Variants in SDHC observed in about 807,000 individuals in gnomAD.
SDHC encodes the protein succinate dehydrogenase cytochrome b560 subunit, mitochondrial.
SDHC carries 11 observed loss-of-function variants against 22.6 expected under a neutral mutation model. The observed-to-expected ratio is 0.49, with a 90% confidence interval of 0.31 to 0.81. The LOEUF (loss-of-function observed/expected upper bound fraction) is 0.81, where lower values mean the gene tolerates loss of function less well. Among genes scored for constraint, SDHC ranks in the 30% least tolerant of loss-of-function variants. The probability of loss-of-function intolerance (pLI) is 0.05; values close to 1 mark genes in which losing one functional copy is unlikely to be tolerated. For synonymous variants in SDHC, 80 were observed against 77.8 expected, an observed-to-expected ratio of 1.03 and a Z score of -0.15; for missense variants, 160 against 212.0, an observed-to-expected ratio of 0.75 and a Z score of 1.52.
At chr1:161,322,881 G>A (rs58758353) in intron 1 of SDHC, among the ~76,000 whole-genome samples, 17,840 of 151,962 alleles carry the variant, frequency 0.12, 1,415 homozygotes, top group African/African-American at 0.22. Flanking sequence ...AAATTCATCC[G>A]TTTGTAGTAG....
At chr1:161,315,831 G>A (rs935833794) in intron 1 of SDHC, among the ~76,000 whole-genome samples, 11 of 152,040 alleles carry the variant, frequency 7.2e-5, no homozygotes, top group Non-Finnish European at 1.2e-4. Context: ...GGGAACCGGC[G>A]TTCAGCATAC....
chr1:161,326,221 A>G (rs1307057855), intron 2 of SDHC, among the ~76,000 whole-genome samples: 1 of 151,926 alleles, frequency 6.6e-6, no homozygotes, highest in Non-Finnish European at 1.5e-5. Flanking sequence ...AAAAAAAAGC[A>G]GAGTTATCGT....
chr1:161,340,548 T>G, intron 3 of SDHC, 46 bp from the exon 4 acceptor site: 1 of 1,505,534 alleles, frequency 6.6e-7, no homozygotes, highest in Non-Finnish European at 9.2e-7. Context: ...TCTACTATGG[T>G]GTCATCTTTT....
intron 1 of SDHC, among the ~76,000 whole-genome samples, chr1:161,317,222 G>A (rs1227261908): frequency 1.3e-5 from 2 of 151,842 alleles, no homozygotes; most frequent in Non-Finnish European, 2.9e-5. Context: ...TAGAGACGGG[G>A]TTTCACCATC....
intron 2 of SDHC, among the ~76,000 whole-genome samples, chr1:161,323,991 C>T (rs545985789): frequency 4.6e-4 from 70 of 152,098 alleles, no homozygotes; most frequent in Admixed American, 1.6e-3. Context: ...CCACCGCGCC[C>T]GGCCCTGGAG....
intron 3 of SDHC, among the ~76,000 whole-genome samples, chr1:161,329,202 G>A (rs914537076): frequency 6.6e-6 from 1 of 151,352 alleles, no homozygotes; most frequent in Non-Finnish European, 1.5e-5. Flanking sequence ...CACCATGCCC[G>A]GCCACAACTT....
rs144105870 is a variant in SDHC, at chr1:161,327,204, T to C, written c.78-1192T>C. Among the ~76,000 whole-genome samples the C allele has an allele frequency of 1.1e-3, 164 of 152,286 alleles. 2 individuals are homozygous for C. The highest frequency in any genetic ancestry group is 3.7e-3 in the Admixed American group (57 of 15,298). ...TTAGCCTCCCAAAGTGCCGGGATTA[T>C]AGGCGTGAGCCACCATGTCTGGCCT... On this transcript the variant is annotated intron_variant, in intron 2 of 5. Coordinates refer to ENST00000367975, the MANE Select transcript of SDHC (RefSeq NM_003001.5).
chr1:161,318,164 T>C (rs1262824808), intron 1 of SDHC, among the ~76,000 whole-genome samples: 1 of 147,692 alleles, frequency 6.8e-6, no homozygotes, highest in Non-Finnish European at 1.5e-5. Context: ...AGAGCAAGAC[T>C]CCATCTCAAA....
At chr1:161,349,999 C>T (rs1672048826) in intron 4 of SDHC, among the ~76,000 whole-genome samples, 1 of 152,130 alleles carries the variant, frequency 6.6e-6, no homozygotes, top group Non-Finnish European at 1.5e-5. Flanking sequence ...CAACCTCCAC[C>T]TCCTGGGTTC....
intron 5 of SDHC, among the ~76,000 whole-genome samples, chr1:161,360,477 ACCTGGGAGGT>A (rs1672465088): frequency 6.7e-6 from 1 of 149,172 alleles, no homozygotes; most frequent in African/African-American, 2.5e-5. Flanking sequence ...GATTGCTTGA[ACCTGGGAGGT>A]CAAGGCCTCA....
intron 4 of SDHC, 100 bp downstream of exon 4, chr1:161,340,755 T>G: frequency 2.3e-6 from 2 of 868,978 alleles, no homozygotes; most frequent in Non-Finnish European, 4.0e-6. Context: ...CAGCACTTGA[T>G]TTAGAGGGAA....
chr1:161,345,444 A>G (rs1671857916), intron 4 of SDHC, among the ~76,000 whole-genome samples: 1 of 151,868 alleles, frequency 6.6e-6, no homozygotes, highest in Non-Finnish European at 1.5e-5. Context: ...TTATTACACA[A>G]GTTGTAATTA....
chr1:161,355,465 T>C (rs1374968526), intron 4 of SDHC, among the ~76,000 whole-genome samples: 1 of 152,266 alleles, frequency 6.6e-6, no homozygotes, highest in African/African-American at 2.4e-5. Context: ...TGAAATCCAA[T>C]TCATCTGTTT....
intron 3 of SDHC, among the ~76,000 whole-genome samples, chr1:161,331,594 CT>C (rs376565137): frequency 2.5e-3 from 338 of 132,604 alleles, no homozygotes; most frequent in Admixed American, 3.1e-3. Flanking sequence ...CAGTAAATAT[CT>C]TTTTTTTTTT....
intron 2 of SDHC, chr1:161,326,709 TC>T (rs1222942451): frequency 6.6e-6 from 1 of 151,258 alleles, no homozygotes; most frequent in Non-Finnish European, 1.5e-5. Context: ...CACTGCAACC[TC>T]CACGTCCTGA....
Position 161,327,871 on chromosome 1 carries a change from ATTTTAT to A in SDHC, c.78-503_78-498del, listed in dbSNP as rs903294056. 1.4e-3 allele frequency among the ~76,000 whole-genome samples: 213 copies of A among 151,580 alleles called. 1 individual carries two copies. Among genetic ancestry groups the A allele is most frequent in the African/African-American group, 4.9e-3 (201 of 41,354 alleles). ...GCCACTGTGCGTGGCCTATTATTTT[ATTTTAT>A]TTTTATTTTTATTTTTATTTTCTGT... On this transcript the variant is annotated intron_variant, in intron 2 of 5. Coordinates refer to ENST00000367975, the MANE Select transcript of SDHC (RefSeq NM_003001.5).
In SDHC at chr1:161,323,779, G is replaced by A. The variant is rs541649618; in HGVS notation, c.77+109G>A. The A allele has an allele frequency of 1.0e-4, 75 of 750,390 alleles. No homozygotes were observed. The African/African-American group carries it at 1.1e-3, about 11-fold the overall frequency. The allele number at this position is 750,390 out of a possible 1,614,324, so 46.5% of individuals were successfully genotyped here. ...GGCGCGATCTCGGCTCACTGCAAGC[G>A]CCGCCTCTTGGGTTCACGCCATTCT... On this transcript the variant is annotated intron_variant, in intron 2 of 5. Coordinates refer to ENST00000367975, the MANE Select transcript of SDHC (RefSeq NM_003001.5).
At chr1:161,325,214 T>A (rs1371677889) in intron 2 of SDHC, among the ~76,000 whole-genome samples, 1 of 150,552 alleles carries the variant, frequency 6.6e-6, no homozygotes, top group Non-Finnish European at 1.5e-5. Flanking sequence ...ATCTCTATTT[T>A]AAAAAAAAGA....
At chr1:161,356,483 G>T (rs1672276233) in intron 4 of SDHC, among the ~76,000 whole-genome samples, 194 bp from the exon 5 acceptor site, 1 of 152,134 alleles carries the variant, frequency 6.6e-6, no homozygotes, top group South Asian at 2.1e-4. Flanking sequence ...AGGTTGCAGT[G>T]AGCCAAGATT....
Sources: allele counts gnomAD v4.1 joint callset (sites outside exome capture counted in the v4.1 genomes callset), GRCh38; gene constraint gnomAD v4.1.1; transcripts MANE v1.5; gene names NCBI Gene and HGNC (gene_info 2026-07-23, HGNC 2026-07-21).